SDK1: variants seen among roughly 807,000 people sequenced by gnomAD.
SDK1 encodes the protein sidekick cell adhesion molecule 1.
A neutral mutation model predicts 245.5 loss-of-function variants in SDK1; 157 were observed. That is an observed-to-expected ratio of 0.64 (90% confidence interval 0.56 to 0.73). SDK1 has a LOEUF of 0.73. SDK1 is among the 30% of genes least tolerant of loss of function. The pLI is 0.00. For missense variants in SDK1, 3,583 were observed against 3,002.3 expected, an observed-to-expected ratio of 1.19 and a Z score of -4.52; for synonymous variants, 1,647 against 1,278.5, an observed-to-expected ratio of 1.29 and a Z score of -6.15.
At chr7:4,156,210 G>A (rs1780722808) in intron 30 of SDK1, among the ~76,000 whole-genome samples, 1 of 152,192 alleles carries the variant, frequency 6.6e-6, no homozygotes, top group African/African-American at 2.4e-5. Flanking sequence ...TGGTACAGGA[G>A]CCAGTGGGGC....
At chr7:3,729,984 A>T (rs550651300) in intron 4 of SDK1, among the ~76,000 whole-genome samples, 1 of 152,176 alleles carries the variant, frequency 6.6e-6, no homozygotes, top group Non-Finnish European at 1.5e-5. Flanking sequence ...CATTTGGAAA[A>T]CAGTAGTACA....
intron 5 of SDK1, among the ~76,000 whole-genome samples, chr7:3,823,083 T>C (rs147446027): frequency 1.1e-3 from 169 of 152,286 alleles, no homozygotes; most frequent in African/African-American, 3.2e-3. Context: ...CCATGGAGAA[T>C]GATGCACGTG....
At chr7:3,638,386 A>G (rs557455742) in intron 2 of SDK1, among the ~76,000 whole-genome samples, 4 of 152,094 alleles carry the variant, frequency 2.6e-5, no homozygotes, top group African/African-American at 7.2e-5. Flanking sequence ...AACCAACCCA[A>G]ATGTCCCACA....
intron 1 of SDK1, among the ~76,000 whole-genome samples, chr7:3,417,505 G>A (rs184318345): frequency 5.3e-5 from 8 of 151,988 alleles, no homozygotes; most frequent in East Asian, 1.9e-4. Context: ...CTCTTCAAGC[G>A]TACACTTAAA....
At chr7:3,638,675 C>T (rs1782547120) in intron 2 of SDK1, among the ~76,000 whole-genome samples, 1 of 149,302 alleles carries the variant, frequency 6.7e-6, no homozygotes, top group South Asian at 2.2e-4. Flanking sequence ...AGGAGATATA[C>T]CTAATGCTAA....
intron 1 of SDK1, among the ~76,000 whole-genome samples, chr7:3,438,624 T>G (rs1298145174): frequency 6.6e-6 from 1 of 152,096 alleles, no homozygotes; most frequent in Non-Finnish European, 1.5e-5. Flanking sequence ...GTGGACGGTG[T>G]CTGGCTTCAA....
At chr7:3,486,571 G>C (rs1367857560) in intron 1 of SDK1, among the ~76,000 whole-genome samples, 1 of 151,808 alleles carries the variant, frequency 6.6e-6, no homozygotes, top group African/African-American at 2.4e-5. Flanking sequence ...TGCTGTGGCT[G>C]TTTCCCAGTC....
chr7:3,803,113 G>T (rs1024429411), intron 4 of SDK1, among the ~76,000 whole-genome samples: 2 of 152,112 alleles, frequency 1.3e-5, no homozygotes, highest in Admixed American at 6.5e-5. Flanking sequence ...CAGTTTCTCT[G>T]CATTACTGTT....
At chr7:3,526,410 A>G (rs1583124038) in intron 1 of SDK1, among the ~76,000 whole-genome samples, 2 of 152,306 alleles carry the variant, frequency 1.3e-5, no homozygotes, top group African/African-American at 4.8e-5. Context: ...ATGATATATT[A>G]TAACTTCCAT....
At chr7:3,722,071 G>A (rs1046424531) in intron 4 of SDK1, among the ~76,000 whole-genome samples, 21 of 151,916 alleles carry the variant, frequency 1.4e-4, no homozygotes, top group Non-Finnish European at 2.1e-4. Context: ...GTAGAGCCAG[G>A]GTTTCACCAT....
At chr7:4,118,666 G>A (rs1783873345) in intron 25 of SDK1, among the ~76,000 whole-genome samples, 2 of 124,234 alleles carry the variant, frequency 1.6e-5, no homozygotes, top group African/African-American at 2.8e-5. Flanking sequence ...GCCGAAAAGT[G>A]GAAACAACCA....
intron 1 of SDK1, among the ~76,000 whole-genome samples, chr7:3,442,879 A>G (rs1466392676): frequency 6.6e-6 from 1 of 152,074 alleles, no homozygotes; most frequent in Non-Finnish European, 1.5e-5. Context: ...TGTCTCTTCC[A>G]TTCCCTCCGA....
At chr7:4,220,779 G>C (rs952882780) in intron 39 of SDK1, among the ~76,000 whole-genome samples, 3 of 151,854 alleles carry the variant, frequency 2.0e-5, no homozygotes, top group African/African-American at 7.3e-5. Flanking sequence ...TTTTGTTGTT[G>C]TTTGTTTTTT....
chr7:3,917,410 C>G (rs986995920), intron 5 of SDK1, among the ~76,000 whole-genome samples: 4 of 152,110 alleles, frequency 2.6e-5, no homozygotes, highest in Non-Finnish European at 4.4e-5. Flanking sequence ...TCATTGCATC[C>G]AGGGTACAGA....
At chr7:4,228,789 C>T (rs979413387) in intron 40 of SDK1, among the ~76,000 whole-genome samples, 2 of 152,198 alleles carry the variant, frequency 1.3e-5, no homozygotes, top group Non-Finnish European at 2.9e-5. Flanking sequence ...CTGTCTACCT[C>T]GGTCTCCCAA....
chr7:3,422,727 G>A (rs1346924682), intron 1 of SDK1, among the ~76,000 whole-genome samples: 1 of 152,124 alleles, frequency 6.6e-6, no homozygotes, highest in African/African-American at 2.4e-5. Flanking sequence ...CACAGGAGTT[G>A]GGCTGGCGAT....
intron 18 of SDK1, among the ~76,000 whole-genome samples, chr7:4,050,114 C>T (rs1789334524): frequency 6.6e-6 from 1 of 152,206 alleles, no homozygotes. Context: ...ATTTTAGCTA[C>T]AATAGGTCCA....
At chr7:3,687,273 C>T (rs550104259) in intron 4 of SDK1, among the ~76,000 whole-genome samples, 1 of 151,638 alleles carries the variant, frequency 6.6e-6, no homozygotes, top group Non-Finnish European at 1.5e-5. Flanking sequence ...GGACTACAGG[C>T]ACACGTCACC....
chr7:3,335,269 G>T (rs925183032), intron 1 of SDK1, among the ~76,000 whole-genome samples: 1 of 152,162 alleles, frequency 6.6e-6, no homozygotes, highest in African/African-American at 2.4e-5. Flanking sequence ...ACAAGGTTCT[G>T]TGTGGATGGT....
Sources: allele counts gnomAD v4.1 joint callset (sites outside exome capture counted in the v4.1 genomes callset), GRCh38; gene constraint gnomAD v4.1.1; transcripts MANE v1.5; gene names NCBI Gene and HGNC (gene_info 2026-07-23, HGNC 2026-07-21).